EYA2: variants seen among roughly 807,000 people sequenced by gnomAD.
EYA2 encodes the protein protein phosphatase EYA2.
In EYA2, 31 loss-of-function variants were observed where a neutral mutation model predicts 69.2. The ratio of observed to expected loss-of-function variants is 0.45; its 90% CI spans 0.34 to 0.60. The LOEUF is 0.60. Ranked by LOEUF, EYA2 falls within the 20% of genes least tolerant of loss-of-function variation. The pLI is 0.02. For missense variants in EYA2, 622 were observed against 701.2 expected (o/e 0.89, Z 1.28); for synonymous variants, 257 against 279.4 (o/e 0.92, Z 0.80).
intron 2 of EYA2, among the ~76,000 whole-genome samples, chr20:47,000,181 A>G (rs1982274242): frequency 6.6e-6 from 1 of 152,228 alleles, no homozygotes. Context: ...GGATTAAAAT[A>G]ATTAATCCAG....
intron 1 of EYA2, among the ~76,000 whole-genome samples, chr20:46,914,329 C>G (rs1391316856): frequency 6.6e-6 from 1 of 152,220 alleles, no homozygotes; most frequent in Admixed American, 6.5e-5. Flanking sequence ...AATCCAGATT[C>G]TACCGCTTGA....
chr20:47,052,048 T>TC (rs906387433), intron 5 of EYA2, among the ~76,000 whole-genome samples: 1 of 152,096 alleles, frequency 6.6e-6, no homozygotes, highest in African/African-American at 2.4e-5. Context: ...AAACAGATAC[T>TC]CCTTTTTTTC....
intron 9 of EYA2, among the ~76,000 whole-genome samples, chr20:47,102,363 G>A (rs2032448017): frequency 2.0e-5 from 3 of 152,208 alleles, no homozygotes. Flanking sequence ...AGAGAGGGAG[G>A]ATGGTCCCCC....
intron 10 of EYA2, among the ~76,000 whole-genome samples, chr20:47,159,142 A>G (rs1334841220): frequency 6.6e-6 from 1 of 152,010 alleles, no homozygotes; most frequent in African/African-American, 2.4e-5. Context: ...TTCTTTCCAA[A>G]GAGTACAATA....
chr20:47,118,794 CTA>C (rs2032971333), intron 9 of EYA2, among the ~76,000 whole-genome samples: 1 of 152,174 alleles, frequency 6.6e-6, no homozygotes, highest in Admixed American at 6.5e-5. Context: ...AGTCTCCTGA[CTA>C]TGCCTAATTT....
chr20:47,173,200 G>A (rs1236278554), intron 12 of EYA2, among the ~76,000 whole-genome samples: 1 of 152,058 alleles, frequency 6.6e-6, no homozygotes, highest in Non-Finnish European at 1.5e-5. Context: ...GCATCACCTG[G>A]GGATGTGTTG....
At position 46,917,302 on chromosome 20, in the gene EYA2, G is replaced by T. The variant is rs116583969; in HGVS notation, c.-11+22315G>T. Among the ~76,000 whole-genome samples the T allele has an allele frequency of 5.7e-3, 874 of 152,332 alleles. 13 individuals are homozygous for T. The highest frequency in any genetic ancestry group is 0.02 in the African/African-American group (816 of 41,570). On this transcript the variant is annotated intron_variant, in intron 1 of 15. Transcript: ENST00000327619. Reference sequence around the variant, plus strand: ...AAGTGCTCAGGAAATAGCAGCGAATGCATGCACAGACTCCCTGCCAAGAGG... The same window carrying T: ...AAGTGCTCAGGAAATAGCAGCGAATTCATGCACAGACTCCCTGCCAAGAGG...
chr20:47,156,093 C>T (rs1454654579), intron 10 of EYA2, among the ~76,000 whole-genome samples: 5 of 11,496 alleles, frequency 4.3e-4, no homozygotes, highest in Admixed American at 1.5e-3. Flanking sequence ...TATACATACA[C>T]ACACACACAC....
intron 4 of EYA2, among the ~76,000 whole-genome samples, chr20:47,012,641 G>C (rs1242395052): frequency 6.6e-6 from 1 of 152,132 alleles, no homozygotes; most frequent in Non-Finnish European, 1.5e-5. Context: ...TTAGAGGTGT[G>C]CACCACCACA....
chr20:46,928,740 G>A (rs949114610), intron 1 of EYA2, among the ~76,000 whole-genome samples: 2 of 152,244 alleles, frequency 1.3e-5, no homozygotes, highest in African/African-American at 4.8e-5. Context: ...TGTAACATTT[G>A]CTCACGGAAA....
At chr20:47,129,168 T>G (rs1174869552) in intron 9 of EYA2, among the ~76,000 whole-genome samples, 1 of 152,158 alleles carries the variant, frequency 6.6e-6, no homozygotes, top group Non-Finnish European at 1.5e-5. Context: ...ATTCAAGCTC[T>G]GATCTAGGTA....
At chr20:47,134,339 C>T (rs1158585387) in intron 9 of EYA2, among the ~76,000 whole-genome samples, 1 of 152,150 alleles carries the variant, frequency 6.6e-6, no homozygotes, top group African/African-American at 2.4e-5. Context: ...CAGATTAGAC[C>T]TGAGTTCAGT....
At chr20:47,185,672 G>A (rs966858894) in intron 15 of EYA2, among the ~76,000 whole-genome samples, 2 of 152,196 alleles carry the variant, frequency 1.3e-5, no homozygotes, top group Admixed American at 6.5e-5. Flanking sequence ...AAGAAAGGAG[G>A]GCTTGGCCGG....
intron 9 of EYA2, among the ~76,000 whole-genome samples, chr20:47,104,858 T>C (rs745649835): frequency 1.6e-4 from 25 of 152,106 alleles, no homozygotes; most frequent in Middle Eastern, 3.4e-3. Context: ...CCATCTCTAC[T>C]AAAAATACAA....
At chr20:46,991,131 C>A (rs1469079632) in intron 2 of EYA2, among the ~76,000 whole-genome samples, 1 of 152,156 alleles carries the variant, frequency 6.6e-6, no homozygotes, top group African/African-American at 2.4e-5. Flanking sequence ...TGCCCAGGGG[C>A]CTTTGAGAGT....
At chr20:47,032,494 A>G (rs373852737) in intron 5 of EYA2, among the ~76,000 whole-genome samples, 2 of 152,178 alleles carry the variant, frequency 1.3e-5, no homozygotes, top group Non-Finnish European at 2.9e-5. Context: ...TCTTCTCACC[A>G]GTAGAAAATC....
intron 1 of EYA2, among the ~76,000 whole-genome samples, chr20:46,984,184 A>T (rs556498546): frequency 4.6e-5 from 7 of 152,344 alleles, no homozygotes; most frequent in African/African-American, 1.7e-4. Context: ...GACAAATTTT[A>T]AAATCCCAAG....
chr20:47,035,171 C>T (rs1336955048), intron 5 of EYA2, among the ~76,000 whole-genome samples: 1 of 152,198 alleles, frequency 6.6e-6, no homozygotes, highest in Non-Finnish European at 1.5e-5. Flanking sequence ...TGCGTCCTGT[C>T]CCTGAGCTGG....
chr20:47,078,980 AT>A (rs2031622524), intron 7 of EYA2, among the ~76,000 whole-genome samples: 1 of 152,196 alleles, frequency 6.6e-6, no homozygotes. Context: ...AAGAATACTT[AT>A]TTTTTTCACT....
Sources: gnomAD v4.1 joint callset for allele counts (sites outside exome capture counted in the v4.1 genomes callset) on GRCh38, gnomAD v4.1.1 for gene constraint, MANE v1.5 for transcripts, NCBI Gene and HGNC (gene_info 2026-07-23, HGNC 2026-07-21) for gene names.